Variants in MID1 observed in about 807,000 individuals in gnomAD.
MID1 encodes E3 ubiquitin-protein ligase Midline-1.
Under a neutral mutation model 40.4 loss-of-function variants are expected in MID1, and 7 were observed. The observed-to-expected ratio is 0.17, with a 90% CI of 0.10 to 0.33. The LOEUF (loss-of-function observed/expected upper bound fraction) is 0.33. Ranked by LOEUF, MID1 falls within the 10% of genes least tolerant of loss-of-function variation. The pLI, the probability that MID1 is intolerant of heterozygous loss-of-function variation, is 1.00. For missense variants in MID1, 367 were observed against 558.5 expected, an observed-to-expected ratio of 0.66 and a Z score of 3.46; for synonymous variants, 229 against 221.2, an observed-to-expected ratio of 1.04 and a Z score of -0.31.
chrX:10,566,814 A>G (rs1934569716), intron 2 of MID1, 74 bp downstream of exon 2: 8 of 1,055,944 alleles, frequency 7.6e-6, no homozygotes, highest in Admixed American at 2.2e-5. Context: ...CCATGTAGCT[A>G]GCAGTGAATA....
intron 1 of MID1, among the ~76,000 whole-genome samples, chrX:10,611,835 T>C (rs942144637): frequency 9.0e-6 from 1 of 111,250 alleles, no homozygotes; most frequent in East Asian, 2.8e-4. Flanking sequence ...TAAACAAGAA[T>C]GTGGAATTGC....
chrX:10,516,188 C>T (rs868624238), intron 3 of MID1, among the ~76,000 whole-genome samples: 1 of 71,478 alleles, frequency 1.4e-5, no homozygotes, highest in African/African-American at 6.1e-5. Flanking sequence ...TGAAGTTGCT[C>T]TTTTTTTTTT....
intron 1 of MID1, among the ~76,000 whole-genome samples, chrX:10,581,144 G>C (rs1046551045): frequency 2.7e-5 from 3 of 110,638 alleles, no homozygotes; most frequent in Non-Finnish European, 5.7e-5. Context: ...AGCTACTCGG[G>C]AGGCTGAGGC....
intron 1 of MID1, among the ~76,000 whole-genome samples, chrX:10,827,725 A>G (rs2044225148): frequency 1.8e-5 from 2 of 111,725 alleles, no homozygotes; most frequent in South Asian, 7.6e-4. Flanking sequence ...TTGTGGAAAG[A>G]ATATAGTCTT....
chrX:10,462,595 G>A (rs1338964754), intron 7 of MID1, among the ~76,000 whole-genome samples: 1 of 111,859 alleles, frequency 8.9e-6, no homozygotes. Context: ...AAATAACAAC[G>A]GAGCTTGGAA....
At chrX:10,707,683 G>A (rs950130019) in intron 1 of MID1, among the ~76,000 whole-genome samples, 3 of 112,102 alleles carry the variant, frequency 2.7e-5, no homozygotes, top group East Asian at 5.6e-4. Flanking sequence ...TTATAGCTCC[G>A]TTATGAATAG....
At chrX:10,554,365 A>G (rs775029613) in intron 2 of MID1, among the ~76,000 whole-genome samples, 101 of 112,063 alleles carry the variant, frequency 9.0e-4, no homozygotes, top group African/African-American at 3.1e-3. Flanking sequence ...CCACATCTCA[A>G]AACAACTTAA....
intron 2 of MID1, among the ~76,000 whole-genome samples, chrX:10,538,972 G>A (rs1158598164): frequency 8.9e-6 from 1 of 112,145 alleles, no homozygotes; most frequent in Non-Finnish European, 1.9e-5. Flanking sequence ...AAGACATCAA[G>A]CCATAGTTCA....
intron 1 of MID1, among the ~76,000 whole-genome samples, chrX:10,618,436 TG>T (rs763809307): frequency 8.9e-6 from 1 of 111,824 alleles, no homozygotes; most frequent in Non-Finnish European, 1.9e-5. Context: ...TGCTAGATTC[TG>T]GAAACTGTCC....
intron 5 of MID1, among the ~76,000 whole-genome samples, chrX:10,481,705 C>T (rs1175613649): frequency 4.5e-5 from 5 of 112,174 alleles, no homozygotes; most frequent in African/African-American, 1.3e-4. Context: ...CTTGGCCTCC[C>T]AAAGTGCTGG....
chrX:10,785,983 C>A (rs1413853687), intron 1 of MID1, among the ~76,000 whole-genome samples: 197 of 110,954 alleles, frequency 1.8e-3, no homozygotes, highest in Non-Finnish European at 2.4e-3. Context: ...TAATTAAACT[C>A]AAGAGCTTCT....
intron 1 of MID1, among the ~76,000 whole-genome samples, chrX:10,781,015 C>T (rs1303995496): frequency 1.1e-4 from 12 of 111,812 alleles, no homozygotes; most frequent in Non-Finnish European, 1.9e-5. Flanking sequence ...TGGCCCAGTT[C>T]CTAACAGGCC....
chrX:10,523,613 T>C (rs1932774916), intron 2 of MID1, among the ~76,000 whole-genome samples: 1 of 112,303 alleles, frequency 8.9e-6, no homozygotes, highest in South Asian at 3.7e-4. Context: ...CTGAGGCTAA[T>C]CCCTTGGAGG....
chrX:10,753,241 C>T (rs2043610972), intron 1 of MID1, among the ~76,000 whole-genome samples: 1 of 111,507 alleles, frequency 9.0e-6, no homozygotes, highest in African/African-American at 3.3e-5. Flanking sequence ...GCTGAAAAGA[C>T]TGTCTTCCCT....
At chrX:10,583,151 C>T (rs1935057372) in intron 1 of MID1, among the ~76,000 whole-genome samples, 1 of 111,432 alleles carries the variant, frequency 9.0e-6, no homozygotes, top group African/African-American at 3.3e-5. Flanking sequence ...CTCTAGGCAG[C>T]AGCAAATTGG....
intron 3 of MID1, among the ~76,000 whole-genome samples, chrX:10,499,316 GTAT>G (rs1195003798): frequency 9.0e-6 from 1 of 111,558 alleles, no homozygotes; most frequent in East Asian, 2.8e-4. Context: ...TTAATAGAAT[GTAT>G]TATTTCTTTA....
intron 1 of MID1, among the ~76,000 whole-genome samples, chrX:10,644,144 T>G (rs1936236487): frequency 9.0e-6 from 1 of 111,573 alleles, no homozygotes; most frequent in African/African-American, 3.3e-5. Flanking sequence ...CCCTAGAACT[T>G]AAAGTATAAT....
chrX:10,526,351 A>G (rs1226706604), intron 2 of MID1, among the ~76,000 whole-genome samples: 1 of 111,342 alleles, frequency 9.0e-6, no homozygotes, highest in African/African-American at 3.3e-5. Context: ...TTTGGATTAA[A>G]TGAATCGCAA....
intron 1 of MID1, among the ~76,000 whole-genome samples, chrX:10,788,732 G>A (rs2043905378): frequency 9.0e-6 from 1 of 111,724 alleles, no homozygotes; most frequent in Non-Finnish European, 1.9e-5. Flanking sequence ...TAAACACCTA[G>A]AGGGCAAAGG....
Sources: allele counts gnomAD v4.1 joint callset (sites outside exome capture counted in the v4.1 genomes callset), GRCh38; gene constraint gnomAD v4.1.1; transcripts MANE v1.5; gene names NCBI Gene and HGNC (gene_info 2026-07-23, HGNC 2026-07-21).